TBL1XR1: variants seen among roughly 807,000 people sequenced by gnomAD.
The protein encoded by TBL1XR1 is TBL1X/Y related 1.
In TBL1XR1, 5 loss-of-function variants were observed where a neutral mutation model predicts 66.9. That is an observed-to-expected ratio of 0.07 (90% CI 0.04 to 0.16). The LOEUF is 0.16. Ranked by LOEUF, TBL1XR1 falls within the 10% of genes least tolerant of loss-of-function variation. The pLI is 1.00. For synonymous variants in TBL1XR1, 210 were observed against 206.0 expected, an observed-to-expected ratio of 1.02 and a Z score of -0.17; for missense variants, 238 against 623.2, an observed-to-expected ratio of 0.38 and a Z score of 6.58.
In TBL1XR1 at chr3:177,082,738, T is replaced by TTATATATATATATATATATATATATATA. The variant is rs374510003; in HGVS notation, c.-46+15700_-46+15727dup. On this transcript the variant is annotated intron_variant, in intron 2 of 15. Coordinates refer to ENST00000457928, the MANE Select transcript of TBL1XR1 (RefSeq NM_024665.7). ...TATTACTAAATTTCTAAGATAGAGATTATATATATATATATATATATATAT... is the reference window on the plus strand; with the variant it reads ...TATTACTAAATTTCTAAGATAGAGATTATATATATATATATATATATATATATATATATATATATATATATATATATAT... Among the ~76,000 whole-genome samples the TTATATATATATATATATATATATATATA allele has an allele frequency of 1.6e-3, 102 of 63,218 alleles. 2 individuals carry two copies. The highest frequency in any genetic ancestry group is 2.0e-3 in the Non-Finnish European group (67 of 33,284). The allele number at this position is 63,218 out of a possible 152,430, so 41.5% of individuals were successfully genotyped here.
chr3:177,147,194 G>A (rs147938841), intron 1 of TBL1XR1, among the ~76,000 whole-genome samples: 4 of 152,008 alleles, frequency 2.6e-5, no homozygotes, highest in East Asian at 1.9e-4. Context: ...CTACAGGCAC[G>A]CATCACCATG....
chr3:177,033,223 A>C (rs1329862016), intron 13 of TBL1XR1, 87 bp from the exon 14 acceptor site: 1 of 1,177,692 alleles, frequency 8.5e-7, no homozygotes, highest in Admixed American at 2.8e-5. Context: ...TATTCAGCCA[A>C]ATCTAATAGC....
At chr3:177,100,881 G>T (rs1306675070) in intron 1 of TBL1XR1, among the ~76,000 whole-genome samples, 1 of 144,798 alleles carries the variant, frequency 6.9e-6, no homozygotes, top group African/African-American at 2.6e-5. Context: ...TCTTTGAGAC[G>T]GAGTCTCGCT....
chr3:177,080,629 A>C (rs950882965), intron 2 of TBL1XR1, among the ~76,000 whole-genome samples: 1 of 152,176 alleles, frequency 6.6e-6, no homozygotes, highest in African/African-American at 2.4e-5. Context: ...GAAAAAATAT[A>C]TATTTTTTTT....
At chr3:177,084,842 T>C (rs1721921774) in intron 2 of TBL1XR1, among the ~76,000 whole-genome samples, 2 of 152,248 alleles carry the variant, frequency 1.3e-5, no homozygotes, top group Non-Finnish European at 2.9e-5. Flanking sequence ...ACAGGTTTGT[T>C]CTATGGTGTC....
chr3:177,180,632 C>T (rs76344173), intron 1 of TBL1XR1, among the ~76,000 whole-genome samples: 2,425 of 152,166 alleles, frequency 0.016, 55 homozygotes, highest in African/African-American at 0.055. Flanking sequence ...AAAACAAATG[C>T]GTCATCCTCT....
intron 1 of TBL1XR1, among the ~76,000 whole-genome samples, chr3:177,128,105 G>T (rs953799483): frequency 6.6e-6 from 1 of 151,938 alleles, no homozygotes; most frequent in Non-Finnish European, 1.5e-5. Flanking sequence ...TATAGTCCTG[G>T]CTACTCGGGA....
At chr3:177,125,341 T>C (rs1297358832) in intron 1 of TBL1XR1, among the ~76,000 whole-genome samples, 1 of 151,680 alleles carries the variant, frequency 6.6e-6, no homozygotes, top group Non-Finnish European at 1.5e-5. Context: ...CAGAACAAAA[T>C]CACAATGAGG....
intron 2 of TBL1XR1, among the ~76,000 whole-genome samples, chr3:177,072,969 C>T (rs990530910): frequency 4.6e-5 from 7 of 151,964 alleles, no homozygotes; most frequent in African/African-American, 1.7e-4. Context: ...GGGGTTGGGG[C>T]AGGAGAATCG....
intron 1 of TBL1XR1, among the ~76,000 whole-genome samples, chr3:177,137,218 C>CA (rs1457069896): frequency 6.6e-6 from 1 of 152,224 alleles, no homozygotes; most frequent in Non-Finnish European, 1.5e-5. Flanking sequence ...CCCGGCATGG[C>CA]ATGGTGGCTT....
intron 1 of TBL1XR1, among the ~76,000 whole-genome samples, chr3:177,135,338 C>T (rs896401155): frequency 7.3e-3 from 163 of 22,360 alleles, no homozygotes; most frequent in Non-Finnish European, 9.2e-3. Flanking sequence ...TGTGTGTATA[C>T]ATATATATAT....
chr3:177,037,312 A>G (rs564299187), intron 12 of TBL1XR1: 1 of 152,372 alleles, frequency 6.6e-6, no homozygotes, highest in Non-Finnish European at 1.5e-5. Context: ...TGACTTTCTA[A>G]TGGTGAAGAC....
intron 1 of TBL1XR1, among the ~76,000 whole-genome samples, chr3:177,179,523 G>A (rs1734557765): frequency 6.6e-6 from 1 of 152,116 alleles, no homozygotes; most frequent in Non-Finnish European, 1.5e-5. Flanking sequence ...TTGCAAATAT[G>A]GGAACTGAAG....
At chr3:177,146,964 A>G (rs1228736629) in intron 1 of TBL1XR1, among the ~76,000 whole-genome samples, 4 of 152,132 alleles carry the variant, frequency 2.6e-5, no homozygotes, top group Non-Finnish European at 5.9e-5. Flanking sequence ...TTTCATCACA[A>G]AGACCATTAA....
intron 4 of TBL1XR1, among the ~76,000 whole-genome samples, chr3:177,053,299 T>G (rs1717354063): frequency 6.6e-6 from 1 of 152,026 alleles, no homozygotes; most frequent in Admixed American, 6.6e-5. Context: ...CAATCAAACT[T>G]TATTGAGAAA....
At chr3:177,197,999 C>CG (rs796520977), upstream of TBL1XR1, among the ~76,000 whole-genome samples, 2 of 150,962 alleles carry the variant, frequency 1.3e-5, no homozygotes, top group African/African-American at 4.9e-5. Context: ...CCCGCGTGTC[C>CG]GGGGGGCGGC....
In TBL1XR1 at chr3:177,032,974, C is replaced by A; in HGVS notation, c.1413G>T (p.Thr471=). Residue 471 remains threonine (T), a synonymous_variant, in exon 14 of 16, where the codon ACG becomes ACT. Coordinates refer to ENST00000457928, the MANE Select transcript of TBL1XR1 (RefSeq NM_024665.7). ...CATTTAAATAATGAAGACATACCTG[C>A]GTGTTCCAGATGTGTACACATTTGT... is the stretch of plus-strand genomic sequence containing the variant. The part of the protein sequence containing the change: ...SFDKCVHIWN[T]QTGALVHSYR... 6.4e-7 allele frequency: 1 copy of A among 1,573,106 alleles called. No individual in the cohort carries two copies. Among genetic ancestry groups the A allele is most frequent in the South Asian group, 1.2e-5 (1 of 84,812 alleles).
chr3:177,112,107 A>ATATATATATATATATAT, intron 1 of TBL1XR1, among the ~76,000 whole-genome samples: 1 of 37,664 alleles, frequency 2.7e-5, no homozygotes, highest in African/African-American at 1.3e-4. Context: ...ATATATATAT[A>ATATATATATATATATAT]TTTTTTTTTT....
intron 1 of TBL1XR1, among the ~76,000 whole-genome samples, chr3:177,117,553 T>C (rs1053045911): frequency 3.3e-5 from 5 of 152,182 alleles, no homozygotes; most frequent in African/African-American, 1.2e-4. Flanking sequence ...TAGTTCCTTA[T>C]AGGCAGCATA....
Sources: gnomAD v4.1 joint callset for allele counts (sites outside exome capture counted in the v4.1 genomes callset) on GRCh38, gnomAD v4.1.1 for gene constraint, MANE v1.5 for transcripts, NCBI Gene and HGNC (gene_info 2026-07-23, HGNC 2026-07-21) for gene names.